Variants in IL34 observed in about 807,000 individuals in gnomAD.
The protein encoded by IL34 is interleukin 34.
Under a neutral mutation model 25.3 loss-of-function variants are expected in IL34, and 17 were observed. The observed-to-expected ratio is 0.67, with a 90% CI of 0.46 to 1.01. The LOEUF (loss-of-function observed/expected upper bound fraction) is 1.01, where lower values mean the gene tolerates loss of function less well. IL34 is among the 50% of genes least tolerant of loss of function. IL34 has a pLI of 0.00. For synonymous variants in IL34, 174 were observed against 140.9 expected (o/e 1.23, Z -1.66); for missense variants, 368 against 312.9 (o/e 1.18, Z -1.33).
At position 70,630,954 on chromosome 16, in the gene IL34, T is replaced by C. The variant is rs561608520; in HGVS notation, c.-400-15594T>C. 3.3e-5 allele frequency among the ~76,000 whole-genome samples: 5 copies of C among 152,300 alleles called. No homozygotes were observed. In the East Asian group the frequency reaches 9.6e-4, roughly 29 times the overall value. On this transcript the variant is annotated intron_variant, in intron 1 of 6. Coordinates refer to the IL34 transcript ENST00000429149. ...ATTGTGAATAGTGCTGCAATAAACA[T>C]GGGAGTGCCGATATGTCTTCAATAT...
intron 1 of IL34, among the ~76,000 whole-genome samples, chr16:70,601,150 T>A (rs2050910983): frequency 6.6e-6 from 1 of 151,326 alleles, no homozygotes; most frequent in Non-Finnish European, 1.5e-5. Context: ...GAGGTGAGGG[T>A]GCCCTACTGG....
chr16:70,596,943 C>T (rs1005970928), intron 1 of IL34, among the ~76,000 whole-genome samples: 2 of 152,006 alleles, frequency 1.3e-5, no homozygotes, highest in Non-Finnish European at 2.9e-5. Flanking sequence ...TACTTGTACC[C>T]ATAATACTCC....
intron 1 of IL34, among the ~76,000 whole-genome samples, chr16:70,640,071 T>A (rs2051745545): frequency 6.6e-6 from 1 of 152,142 alleles, no homozygotes; most frequent in Admixed American, 6.6e-5. Context: ...AAGAATAAAT[T>A]TAATAGTTTA....
Position 70,600,950 on chromosome 16 carries a change from T to C in IL34, c.-401+20901T>C, listed in dbSNP as rs1343356247. 3.2e-3 allele frequency among the ~76,000 whole-genome samples: 421 copies of C among 133,154 alleles called. 2 individuals carry two copies. Among genetic ancestry groups the C allele is most frequent in the African/African-American group, 0.013 (392 of 31,360 alleles). 87.4% of individuals were successfully genotyped at this position (133,154 alleles called of 152,430 possible). On this transcript the variant is annotated intron_variant, in intron 1 of 6. Transcript: ENST00000429149. ...GCAGAAGCAGGGCTGCTGGGAGGAGTAGGGGATGCTGGGAGAAGTAGGGGA... is the reference window on the plus strand; with the variant it reads ...GCAGAAGCAGGGCTGCTGGGAGGAGCAGGGGATGCTGGGAGAAGTAGGGGA...
chr16:70,606,040 T>C (rs11641905), intron 1 of IL34, among the ~76,000 whole-genome samples: 16,832 of 149,746 alleles, frequency 0.11, 1,339 homozygotes, highest in African/African-American at 0.22. Context: ...TATCTTGTCC[T>C]GTTTTAGAGG....
intron 1 of IL34, among the ~76,000 whole-genome samples, chr16:70,602,583 A>AT (rs1555503166): frequency 1.3e-4 from 18 of 134,960 alleles, no homozygotes; most frequent in African/African-American, 3.9e-4. Flanking sequence ...TTTGGAATTG[A>AT]TGTGTGTGTG....
chr16:70,597,976 C>G (rs1172079456), intron 1 of IL34, among the ~76,000 whole-genome samples: 1 of 152,140 alleles, frequency 6.6e-6, no homozygotes, highest in Non-Finnish European at 1.5e-5. Context: ...TAGCTGGTAG[C>G]TGGGACTACA....
chr16:70,591,858 G>A (rs1004192376), intron 1 of IL34, among the ~76,000 whole-genome samples: 12 of 152,234 alleles, frequency 7.9e-5, no homozygotes, highest in Non-Finnish European at 1.2e-4. Context: ...CCTGAGGCTC[G>A]GTGCTGGGGC....
chr16:70,658,577 G>A (rs890875536), intron 4 of IL34, among the ~76,000 whole-genome samples: 1 of 151,724 alleles, frequency 6.6e-6, no homozygotes, highest in Non-Finnish European at 1.5e-5. Flanking sequence ...CGTCTCCCAG[G>A]TTCAAGCAAT....
rs1474206329 is a variant in IL34 at position 70,656,646 on chromosome 16, G to C, written c.207G>C (p.Glu69Asp). 6.8e-7 allele frequency: 1 copy of C among 1,470,676 alleles called. No homozygotes were observed. The highest frequency in any genetic ancestry group is 1.7e-5 in the Admixed American group (1 of 59,850). 91.1% of individuals were successfully genotyped at this position (1,470,676 alleles called of 1,614,324 possible). ...PINYKISVPY[E>D]GVFRIANVTR... Reference sequence around the variant, plus strand: ...ACTACAAGATCAGTGTGCCTTACGAGGGGGTGTTCAGAATCGCCAACGTCA... The same window carrying C: ...ACTACAAGATCAGTGTGCCTTACGACGGGGTGTTCAGAATCGCCAACGTCA... The change falls in exon 3 of 6, where the codon GAG becomes GAC. Residue 69 changes from glutamate (E) to aspartate (D), a missense_variant. Glu to Asp is a conservative substitution (Grantham distance 45). Coordinates refer to ENST00000288098, the MANE Select transcript of IL34 (RefSeq NM_001393494.1).
chr16:70,659,560 G>T, intron 4 of IL34, 58 bp from the exon 5 acceptor site: 1 of 1,544,466 alleles, frequency 6.5e-7, no homozygotes, highest in South Asian at 1.2e-5. Context: ...AGCCCTCACG[G>T]CTCTCCTGGG....
chr16:70,624,888 G>C (rs991129888), intron 1 of IL34, among the ~76,000 whole-genome samples: 10 of 151,804 alleles, frequency 6.6e-5, no homozygotes, highest in Non-Finnish European at 2.9e-5. Flanking sequence ...ACTCAGTGAC[G>C]CTTGGGGTTG....
At chr16:70,600,873 G>T (rs564032151) in intron 1 of IL34, among the ~76,000 whole-genome samples, 255 of 151,444 alleles carry the variant, frequency 1.7e-3, no homozygotes, top group African/African-American at 5.6e-3. Context: ...GCTAGGAGAA[G>T]TAGGGGATGC....
At chr16:70,616,412 G>A (rs1464734207) in intron 1 of IL34, among the ~76,000 whole-genome samples, 1 of 152,120 alleles carries the variant, frequency 6.6e-6, no homozygotes, top group South Asian at 2.1e-4. Flanking sequence ...ACTCAATGTA[G>A]TCTTAATTTA....
In IL34 at chr16:70,660,153, C is replaced by T. The variant is rs141513638; in HGVS notation, c.695C>T (p.Pro232Leu). The T allele has an allele frequency of 2.3e-4, 375 of 1,606,494 alleles. No homozygotes were observed. The African/African-American group carries it at 3.7e-3, about 16-fold the overall frequency. ...CCTCACTCCACGGGCTCGGTGAGGC[C>T]GGTCAGGGCACAGGGCGAGGGCCTC... ...SPPHSTGSVR[P>L]VRAQGEGLLP Residue 232 changes from proline to leucine, a missense_variant, in exon 6 of 6, where the codon CCG (proline) becomes CTG (leucine). By Grantham distance (98) the Pro-to-Leu change is moderately conservative. Transcript: ENST00000288098.
chr16:70,645,686 C>T (rs1484728188), upstream of IL34, among the ~76,000 whole-genome samples: 9 of 152,176 alleles, frequency 5.9e-5, no homozygotes, highest in East Asian at 1.9e-4. Context: ...CCTTTCTGGG[C>T]CTCAGTTTCC....
intron 1 of IL34, among the ~76,000 whole-genome samples, chr16:70,627,458 C>CCTT (rs143847325): frequency 0.036 from 5,241 of 144,048 alleles, 302 homozygotes; most frequent in African/African-American, 0.11. Flanking sequence ...CCCTCCCCCT[C>CCTT]CTCCCCCTTC....
intron 4 of IL34, among the ~76,000 whole-genome samples, chr16:70,658,016 G>C (rs955260900): frequency 6.6e-6 from 1 of 152,272 alleles, no homozygotes; most frequent in Middle Eastern, 3.4e-3. Context: ...GGAAGGTGGC[G>C]AGATGACCCA....
chr16:70,591,246 G>A (rs2050750529), intron 1 of IL34, among the ~76,000 whole-genome samples: 1 of 152,180 alleles, frequency 6.6e-6, no homozygotes, highest in Non-Finnish European at 1.5e-5. Context: ...TTGTCCACAT[G>A]ATTCAATCTG....
Sources: allele counts gnomAD v4.1 joint callset (sites outside exome capture counted in the v4.1 genomes callset), GRCh38; gene constraint gnomAD v4.1.1; transcripts MANE v1.5; gene names NCBI Gene and HGNC (gene_info 2026-07-23, HGNC 2026-07-21).